The following PHACTR1 variants were observed in gnomAD, a reference collection of about 807,000 sequenced individuals.
The protein encoded by PHACTR1 is phosphatase and actin regulator 1.
Under a neutral mutation model 69.2 loss-of-function variants are expected in PHACTR1, and 16 were observed. The observed-to-expected ratio is 0.23, with a 90% CI of 0.16 to 0.35. The LOEUF (loss-of-function observed/expected upper bound fraction) is 0.35. Ranked by LOEUF, PHACTR1 falls within the 10% of genes least tolerant of loss-of-function variation. The pLI, the probability that PHACTR1 is intolerant of heterozygous loss-of-function variation, is 1.00. For synonymous variants in PHACTR1, 312 were observed against 284.5 expected, an observed-to-expected ratio of 1.10 and a Z score of -0.97; for missense variants, 510 against 734.7, an observed-to-expected ratio of 0.69 and a Z score of 3.54.
chr6:12,968,322 G>T (rs1004664850), intron 4 of PHACTR1, among the ~76,000 whole-genome samples: 28 of 152,162 alleles, frequency 1.8e-4, no homozygotes, highest in African/African-American at 6.3e-4. Flanking sequence ...AGGAGCTATT[G>T]ACTCCAGGAA....
intron 4 of PHACTR1, among the ~76,000 whole-genome samples, chr6:12,888,089 A>AC (rs1204340241): frequency 6.6e-6 from 1 of 151,148 alleles, no homozygotes; most frequent in Non-Finnish European, 1.5e-5. Context: ...AAAAAAAAAA[A>AC]AAAAAATGGC....
At chr6:12,838,914 CT>C (rs550979388) in intron 4 of PHACTR1, among the ~76,000 whole-genome samples, 354 of 152,288 alleles carry the variant, frequency 2.3e-3, no homozygotes, top group Non-Finnish European at 3.5e-3. Flanking sequence ...ATGTTGGGGT[CT>C]TTAAATTATA....
chr6:12,887,300 G>A (rs991941184), intron 4 of PHACTR1, among the ~76,000 whole-genome samples: 1 of 152,224 alleles, frequency 6.6e-6, no homozygotes, highest in African/African-American at 2.4e-5. Context: ...AAAATGCCAG[G>A]CACCTGAAGA....
chr6:12,819,386 C>T (rs1369447311), intron 4 of PHACTR1, among the ~76,000 whole-genome samples: 2 of 152,174 alleles, frequency 1.3e-5, no homozygotes, highest in Non-Finnish European at 1.5e-5. Context: ...AACACTAGAG[C>T]AGCTCAAACA....
intron 5 of PHACTR1, among the ~76,000 whole-genome samples, chr6:13,124,719 C>T (rs1472760126): frequency 1.3e-5 from 2 of 152,202 alleles, no homozygotes. Flanking sequence ...GATAAGGGTG[C>T]CCGCATGGTG....
At chr6:12,993,381 T>C (rs1797039661) in intron 4 of PHACTR1, among the ~76,000 whole-genome samples, 1 of 152,172 alleles carries the variant, frequency 6.6e-6, no homozygotes, top group Non-Finnish European at 1.5e-5. Flanking sequence ...ATTCATTAGT[T>C]GAGAGAGACA....
At chr6:12,749,916 CTCTT>C (rs2127596040) in intron 4 of PHACTR1, 126 bp downstream of exon 4, 1 of 879,046 alleles carries the variant, frequency 1.1e-6, no homozygotes, top group East Asian at 2.8e-5. Context: ...AGCACTCGCG[CTCTT>C]TGTGTCTCCG....
intron 4 of PHACTR1, among the ~76,000 whole-genome samples, chr6:12,904,131 A>AT (rs1182861513): frequency 3.3e-4 from 50 of 152,210 alleles, no homozygotes; most frequent in African/African-American, 1.2e-3. Flanking sequence ...AGACATTTTC[A>AT]TTTATGTTTA....
chr6:13,149,043 G>A (rs1454998635), intron 5 of PHACTR1, among the ~76,000 whole-genome samples: 1 of 151,954 alleles, frequency 6.6e-6, no homozygotes, highest in Non-Finnish European at 1.5e-5. Flanking sequence ...TTTCGGTTGT[G>A]TTTGTTTCAA....
intron 4 of PHACTR1, among the ~76,000 whole-genome samples, chr6:12,808,007 A>G (rs186339766): frequency 1.3e-4 from 20 of 152,356 alleles, no homozygotes; most frequent in African/African-American, 7.2e-5. Flanking sequence ...AGTGTAATCT[A>G]GAGATTGAAT....
At chr6:13,127,298 A>G (rs1819679610) in intron 5 of PHACTR1, among the ~76,000 whole-genome samples, 1 of 152,180 alleles carries the variant, frequency 6.6e-6, no homozygotes, top group Non-Finnish European at 1.5e-5. Context: ...CAGGAGTGGT[A>G]GCTCACGCCT....
At chr6:12,972,162 T>C (rs116334447) in intron 4 of PHACTR1, among the ~76,000 whole-genome samples, 1 of 152,334 alleles carries the variant, frequency 6.6e-6, no homozygotes, top group African/African-American at 2.4e-5. Context: ...GCTTTACCTG[T>C]GAGGTAATTA....
intron 10 of PHACTR1, among the ~76,000 whole-genome samples, chr6:13,253,459 T>C (rs912107997): frequency 3.3e-5 from 5 of 152,230 alleles, no homozygotes; most frequent in Admixed American, 6.5e-5. Flanking sequence ...CATATCAACC[T>C]AACCACAATA....
intron 5 of PHACTR1, among the ~76,000 whole-genome samples, chr6:13,124,505 C>T (rs1819220956): frequency 6.6e-6 from 1 of 152,206 alleles, no homozygotes; most frequent in South Asian, 2.1e-4. Context: ...ACCCCCCTCA[C>T]CTGTGGACAT....
At chr6:12,783,029 C>T (rs959962565) in intron 4 of PHACTR1, among the ~76,000 whole-genome samples, 2 of 152,106 alleles carry the variant, frequency 1.3e-5, no homozygotes, top group South Asian at 2.1e-4. Context: ...TTAGTTTAAT[C>T]GTGATTTAAG....
intron 4 of PHACTR1, among the ~76,000 whole-genome samples, chr6:12,814,709 C>CA (rs1045400561): frequency 1.3e-5 from 2 of 150,760 alleles, no homozygotes; most frequent in African/African-American, 4.9e-5. Flanking sequence ...GAAAAAAAAA[C>CA]AAAAAAAGCT....
At chr6:12,968,665 C>CT (rs1282358467) in intron 4 of PHACTR1, among the ~76,000 whole-genome samples, 8 of 152,090 alleles carry the variant, frequency 5.3e-5, no homozygotes, top group African/African-American at 1.7e-4. Context: ...TGCGAAAGGA[C>CT]TTTTGTTGTG....
chr6:13,084,087 C>T (rs1377670996), intron 5 of PHACTR1, among the ~76,000 whole-genome samples: 6 of 151,958 alleles, frequency 3.9e-5, no homozygotes, highest in African/African-American at 9.7e-5. Flanking sequence ...ATGTTTATTG[C>T]GGCACTATTC....
intron 4 of PHACTR1, among the ~76,000 whole-genome samples, chr6:12,916,270 A>G (rs1002119725): frequency 6.6e-6 from 1 of 152,162 alleles, no homozygotes; most frequent in African/African-American, 2.4e-5. Flanking sequence ...ATCAGACTGA[A>G]TTTCTCATAC....
Sources: allele counts gnomAD v4.1 joint callset (sites outside exome capture counted in the v4.1 genomes callset), GRCh38; gene constraint gnomAD v4.1.1; transcripts MANE v1.5; gene names NCBI Gene and HGNC (gene_info 2026-07-23, HGNC 2026-07-21).